The following KLHDC1 variants were observed in gnomAD, a reference collection of about 807,000 sequenced individuals.
KLHDC1 encodes the protein kelch domain-containing protein 1.
KLHDC1 carries 53 observed loss-of-function variants against 68.3 expected under a neutral mutation model. That is an observed-to-expected ratio of 0.78 (90% CI 0.62 to 0.98). The LOEUF (loss-of-function observed/expected upper bound fraction) is 0.98. Among genes scored for constraint, KLHDC1 ranks in the 50% least tolerant of loss-of-function variants. KLHDC1 has a pLI of 0.00. For synonymous variants in KLHDC1, 148 were observed against 159.0 expected, an observed-to-expected ratio of 0.93 and a Z score of 0.52; for missense variants, 470 against 492.3, an observed-to-expected ratio of 0.95 and a Z score of 0.43.
At chr14:49,743,213 A>T (rs988725519) in intron 11 of KLHDC1, among the ~76,000 whole-genome samples, 1 of 151,970 alleles carries the variant, frequency 6.6e-6, no homozygotes. Flanking sequence ...CCTGGCCAAC[A>T]TGGCGAAACC....
intron 4 of KLHDC1, among the ~76,000 whole-genome samples, chr14:49,714,300 T>C (rs1006870542): frequency 1.3e-5 from 2 of 151,338 alleles, no homozygotes; most frequent in Admixed American, 1.3e-4. Flanking sequence ...AGTGAAACCC[T>C]GTCTCTACTA....
intron 1 of KLHDC1, among the ~76,000 whole-genome samples, chr14:49,705,361 C>CTTTTTTTTTTTTTTT (rs1334189965): frequency 2.3e-4 from 8 of 35,310 alleles, no homozygotes; most frequent in African/African-American, 5.9e-4. Context: ...ATATTTCTTT[C>CTTTTTTTTTTTTTTT]TTTCTTTTTT....
intron 4 of KLHDC1, among the ~76,000 whole-genome samples, chr14:49,712,491 T>C (rs889253080): frequency 4.0e-5 from 6 of 151,754 alleles, no homozygotes; most frequent in Middle Eastern, 3.2e-3. Context: ...AAAAAGTACT[T>C]CATAGATTTT....
intron 4 of KLHDC1, among the ~76,000 whole-genome samples, chr14:49,716,936 G>A (rs1352202852): frequency 6.6e-6 from 1 of 152,050 alleles, no homozygotes; most frequent in Non-Finnish European, 1.5e-5. Context: ...TTACGAATAA[G>A]CAGATAATAG....
chr14:49,719,439 T>A (rs971933994), intron 4 of KLHDC1, among the ~76,000 whole-genome samples: 2 of 151,402 alleles, frequency 1.3e-5, no homozygotes, highest in Non-Finnish European at 2.9e-5. Context: ...TATTTATATA[T>A]ATTTTTTGAG....
chr14:49,704,070 A>T (rs111297289), intron 1 of KLHDC1, among the ~76,000 whole-genome samples: 23 of 152,310 alleles, frequency 1.5e-4, no homozygotes, highest in African/African-American at 5.3e-4. Flanking sequence ...CACTCCCACC[A>T]GCCATTTCCT....
intron 8 of KLHDC1, among the ~76,000 whole-genome samples, chr14:49,731,141 G>A (rs1888797165): frequency 6.6e-6 from 1 of 152,132 alleles, no homozygotes; most frequent in Non-Finnish European, 1.5e-5. Context: ...TTAGCCGGGT[G>A]TATTGGCGCA....
At chr14:49,723,418 G>A (rs1313749192) in intron 4 of KLHDC1, among the ~76,000 whole-genome samples, 1 of 152,036 alleles carries the variant, frequency 6.6e-6, no homozygotes, top group Non-Finnish European at 1.5e-5. Flanking sequence ...TGTAGTCACA[G>A]CTACTCAGAG....
chr14:49,732,081 C>T, intron 8 of KLHDC1, among the ~76,000 whole-genome samples: 1 of 151,394 alleles, frequency 6.6e-6, no homozygotes, highest in East Asian at 1.9e-4. Context: ...AAGTTACAGA[C>T]ATGAAAAAAA....
intron 8 of KLHDC1, among the ~76,000 whole-genome samples, chr14:49,731,394 T>A (rs184767443): frequency 1.4e-3 from 207 of 152,374 alleles, no homozygotes; most frequent in Admixed American, 2.9e-3. Context: ...CATTCCAGAC[T>A]GTGGAAGAAT....
chr14:49,748,485 G>A (rs1399786494), intron 12 of KLHDC1, among the ~76,000 whole-genome samples: 2 of 152,102 alleles, frequency 1.3e-5, no homozygotes, highest in Admixed American at 1.3e-4. Flanking sequence ...GGTTTGGGAG[G>A]GGAGATAAGC....
chr14:49,714,247 G>A (rs927524513), intron 4 of KLHDC1, among the ~76,000 whole-genome samples: 13 of 151,564 alleles, frequency 8.6e-5, no homozygotes, highest in South Asian at 2.1e-4. Context: ...GCCGAGGCGC[G>A]CAGATCACAC....
intron 12 of KLHDC1, among the ~76,000 whole-genome samples, chr14:49,750,679 G>A (rs1889302212): frequency 1.3e-5 from 2 of 152,150 alleles, no homozygotes; most frequent in South Asian, 2.1e-4. Flanking sequence ...TTTATTAATT[G>A]AAACAGATGC....
intron 1 of KLHDC1, among the ~76,000 whole-genome samples, chr14:49,698,652 A>G (rs912263773): frequency 6.6e-6 from 1 of 151,624 alleles, no homozygotes; most frequent in African/African-American, 2.4e-5. Flanking sequence ...AGAAGCTGGG[A>G]TTACAGGCAC....
At chr14:49,701,788 C>T (rs979806940) in intron 1 of KLHDC1, among the ~76,000 whole-genome samples, 1 of 152,186 alleles carries the variant, frequency 6.6e-6, no homozygotes, top group Non-Finnish European at 1.5e-5. Flanking sequence ...AATCCCAGCA[C>T]TTTGAGAGGC....
chr14:49,714,027 A>G (rs1395487276), intron 4 of KLHDC1, among the ~76,000 whole-genome samples: 1 of 147,716 alleles, frequency 6.8e-6, no homozygotes, highest in Non-Finnish European at 1.5e-5. Flanking sequence ...TTGTATTTTT[A>G]GTAGAAACAG....
Position 49,752,783 on chromosome 14 carries a change from T to A in KLHDC1, c.*1011T>A, listed in dbSNP as rs914404883. 6.6e-5 allele frequency: 10 copies of A among 152,120 alleles called. No individual in the cohort carries two copies. Among genetic ancestry groups the A allele is most frequent in the Non-Finnish European group, 1.2e-4 (8 of 67,990 alleles). The allele number at this position is 152,120 out of a possible 1,614,324, so 9.4% of individuals were successfully genotyped here. On this transcript the variant is annotated 3_prime_UTR_variant, in exon 13 of 13. Coordinates refer to ENST00000359332, the MANE Select transcript of KLHDC1 (RefSeq NM_172193.3). ...TGGTACTTTTGGCATAATTAAGAAATTTTTCTTCATATTATCACAATCATG... is the reference window on the plus strand; with the variant it reads ...TGGTACTTTTGGCATAATTAAGAAAATTTTCTTCATATTATCACAATCATG...
intron 4 of KLHDC1, among the ~76,000 whole-genome samples, chr14:49,713,224 G>A (rs1462061662): frequency 6.6e-6 from 1 of 152,052 alleles, no homozygotes; most frequent in Non-Finnish European, 1.5e-5. Context: ...AAAGTGCTGG[G>A]ATTACAGGCA....
intron 4 of KLHDC1, among the ~76,000 whole-genome samples, chr14:49,719,700 G>T (rs1888477360): frequency 6.6e-6 from 1 of 151,944 alleles, no homozygotes; most frequent in Non-Finnish European, 1.5e-5. Context: ...CAAAGTGCTG[G>T]GATTACAGGC....
Sources: allele counts gnomAD v4.1 joint callset (sites outside exome capture counted in the v4.1 genomes callset), GRCh38; gene constraint gnomAD v4.1.1; transcripts MANE v1.5; gene names NCBI Gene and HGNC (gene_info 2026-07-23, HGNC 2026-07-21).